The following SPSB1 variants were observed in gnomAD, a reference collection of about 807,000 sequenced individuals.
SPSB1 encodes the protein splA/ryanodine receptor domain and SOCS box containing 1.
SPSB1 carries 8 observed loss-of-function variants against 21.2 expected under a neutral mutation model. The ratio of observed to expected loss-of-function variants is 0.38; its 90% CI spans 0.22 to 0.68. The LOEUF (loss-of-function observed/expected upper bound fraction) is 0.68. Among genes scored for constraint, SPSB1 ranks in the 30% least tolerant of loss-of-function variants. The probability of loss-of-function intolerance (pLI) is 0.53; values close to 1 mark genes in which losing one functional copy is unlikely to be tolerated. For missense variants in SPSB1, 242 were observed against 377.8 expected (o/e 0.64, Z 2.98); for synonymous variants, 169 against 161.7 (o/e 1.05, Z -0.34).
rs1055384805 is a variant in SPSB1 at position 9,305,608 on chromosome 1, G to A, written c.-150+12537G>A. ...TGGGTGCTGGGGGTGGGGACTCCCC[G>A]TCACGGAACTAAACTGCCAGGTGTT... On this transcript the variant is annotated intron_variant, in intron 1 of 2. Transcript: ENST00000328089. This position sits in a 1 kb window ranked among gnomAD's most constrained non-coding sequence, Gnocchi z 4.8. Among the ~76,000 whole-genome samples the A allele has an allele frequency of 3.3e-5, 5 of 152,196 alleles. No homozygotes were observed. The highest frequency in any genetic ancestry group is 5.9e-5 in the Non-Finnish European group (4 of 68,020).
intron 1 of SPSB1, among the ~76,000 whole-genome samples, chr1:9,329,880 A>G (rs2100491357): frequency 6.6e-6 from 1 of 152,244 alleles, no homozygotes; most frequent in Admixed American, 6.5e-5. Context: ...TTTCTTCTCA[A>G]AACTTGGATA....
At chr1:9,343,486 C>T (rs923468006) in intron 1 of SPSB1, among the ~76,000 whole-genome samples, 6 of 152,192 alleles carry the variant, frequency 3.9e-5, no homozygotes, top group Admixed American at 2.0e-4. Flanking sequence ...GTGTATACCA[C>T]AATTTGTTTA....
chr1:9,311,501 G>A (rs1250195161), intron 1 of SPSB1, among the ~76,000 whole-genome samples: 1 of 152,224 alleles, frequency 6.6e-6, no homozygotes, highest in Non-Finnish European at 1.5e-5. Context: ...ACCATGCATG[G>A]GACATCTTCT....
intron 1 of SPSB1, among the ~76,000 whole-genome samples, chr1:9,298,398 ATGAG>A (rs1639260934): frequency 8.5e-6 from 1 of 117,658 alleles, no homozygotes; most frequent in Non-Finnish European, 1.7e-5. Context: ...GAATGAATGA[ATGAG>A]TGAACGAATG....
In SPSB1 at chr1:9,367,992, CA is replaced by C. The variant is rs1309385915; in HGVS notation, c.*418del. 5.6e-6 allele frequency: 1 copy of C among 177,678 alleles called. No individual in the cohort carries two copies. The highest frequency in any genetic ancestry group is 1.6e-4 in the East Asian group (1 of 6,264). The allele number at this position is 177,678 out of a possible 1,614,324, so 11.0% of individuals were successfully genotyped here. ...GTACCACAGCTCTGAGAGCAGATACCAGGGGTACTAAGAGGTGCTTAGACAA... is the reference window on the plus strand; with the variant it reads ...GTACCACAGCTCTGAGAGCAGATACCGGGGTACTAAGAGGTGCTTAGACAA... On this transcript the variant is annotated 3_prime_UTR_variant, in exon 3 of 3. Transcript: ENST00000328089. The surrounding 1 kb of genome is among the most constrained non-coding windows in gnomAD (Gnocchi z 5.9).
chr1:9,306,582 A>G (rs1013232154), intron 1 of SPSB1, among the ~76,000 whole-genome samples: 1 of 152,152 alleles, frequency 6.6e-6, no homozygotes, highest in Non-Finnish European at 1.5e-5. Context: ...GATGAGAAAA[A>G]CTAGGGCAAC....
chr1:9,333,714 G>A (rs1006883775), intron 1 of SPSB1, among the ~76,000 whole-genome samples: 2 of 152,180 alleles, frequency 1.3e-5, no homozygotes, highest in Admixed American at 6.5e-5. Flanking sequence ...AGAGCGGCCC[G>A]GGGAAGAGCA....
rs1427660489 is a variant in SPSB1, at chr1:9,317,531, T to C, written c.-150+24460T>C. 6.6e-6 allele frequency among the ~76,000 whole-genome samples: 1 copy of C among 152,158 alleles called. No individual in the cohort carries two copies. Among genetic ancestry groups the C allele is most frequent in the African/African-American group, 2.4e-5 (1 of 41,432 alleles). On this transcript the variant is annotated intron_variant, in intron 1 of 2. Transcript: ENST00000328089. The surrounding 1 kb of genome is among the most constrained non-coding windows in gnomAD (Gnocchi z 4.3). ...CAGAGTCTTGCTTTGTCACCCAGGC[T>C]GGGGACAAAGCTCACTGCGGCTTCT...
chr1:9,306,460 C>T (rs1639413117), intron 1 of SPSB1, among the ~76,000 whole-genome samples: 1 of 152,104 alleles, frequency 6.6e-6, no homozygotes, highest in Admixed American at 6.6e-5. Context: ...GTGACAATAG[C>T]CATCAACGAT....
chr1:9,315,151 C>G (rs1639588749), intron 1 of SPSB1, among the ~76,000 whole-genome samples: 1 of 152,208 alleles, frequency 6.6e-6, no homozygotes, highest in East Asian at 1.9e-4. Context: ...CTCAGCGGGG[C>G]TGGGACAAGA....
In SPSB1 at chr1:9,302,664, A is replaced by G. The variant is rs929907827; in HGVS notation, c.-150+9593A>G. Among the ~76,000 whole-genome samples the G allele has an allele frequency of 5.9e-5, 9 of 152,174 alleles. No individual in the cohort carries two copies. The South Asian group carries it at 1.0e-3, about 18-fold the overall frequency. On this transcript the variant is annotated intron_variant, in intron 1 of 2. Coordinates refer to ENST00000328089, the MANE Select transcript of SPSB1 (RefSeq NM_025106.4). Reference sequence around the variant, plus strand: ...ACTGGGAATGACCACGTTCCCCACCATCCTGAAGCAGCTGACTTGAAAGAA... The same window carrying G: ...ACTGGGAATGACCACGTTCCCCACCGTCCTGAAGCAGCTGACTTGAAAGAA...
chr1:9,355,121 C>T (rs565783874), intron 1 of SPSB1, among the ~76,000 whole-genome samples: 1 of 152,376 alleles, frequency 6.6e-6, no homozygotes, highest in East Asian at 1.9e-4. Flanking sequence ...AAGAATGTAG[C>T]TGGCGGAGGA....
intron 1 of SPSB1, among the ~76,000 whole-genome samples, chr1:9,334,270 G>A (rs190858402): frequency 3.8e-4 from 58 of 152,086 alleles, no homozygotes; most frequent in Admixed American, 2.4e-3. Flanking sequence ...ATTTTTAGTA[G>A]AGACGGGATT....
At chr1:9,344,548 C>T (rs1049493225) in intron 1 of SPSB1, among the ~76,000 whole-genome samples, 21 of 152,142 alleles carry the variant, frequency 1.4e-4, no homozygotes, top group African/African-American at 4.6e-4. Flanking sequence ...ATCAGGTGTC[C>T]CCTGATAGCC....
At chr1:9,349,320 C>T (rs1640213539) in intron 1 of SPSB1, among the ~76,000 whole-genome samples, 1 of 152,230 alleles carries the variant, frequency 6.6e-6, no homozygotes, top group Non-Finnish European at 1.5e-5. Flanking sequence ...CCGCCACGTG[C>T]TCGACTTTGA....
intron 2 of SPSB1, among the ~76,000 whole-genome samples, chr1:9,362,279 G>A (rs1003064343): frequency 7.3e-5 from 11 of 150,760 alleles, no homozygotes; most frequent in Admixed American, 1.3e-4. Flanking sequence ...TATGAGGACC[G>A]CAGGCTCTCA....
rs1474051219 is a variant in SPSB1, at chr1:9,293,591, C to G, written c.-150+520C>G. Among the ~76,000 whole-genome samples, 1 of 152,018 alleles carries G rather than the reference C, an allele frequency of 6.6e-6. No homozygotes were observed. The highest frequency in any genetic ancestry group is 1.9e-4 in the East Asian group (1 of 5,144). On this transcript the variant is annotated intron_variant, in intron 1 of 2. Coordinates refer to ENST00000328089, the MANE Select transcript of SPSB1 (RefSeq NM_025106.4). The surrounding 1 kb of genome is among the most constrained non-coding windows in gnomAD (Gnocchi z 5.1). ...GCAGCGCCTCCCCCAGGGAGCCTGC[C>G]GGGGACACCCGAGCGCCGCCCTCCC... is the stretch of plus-strand genomic sequence containing the variant.
chr1:9,363,833 T>C lies in SPSB1; in HGVS notation c.695-3615T>C, dbSNP rs1329718444. ...CTCCTGCCTCAAACTCCCAAGTAGC[T>C]GGGACTACAGGCATGCACGACCACA... is the stretch of plus-strand genomic sequence containing the variant. On this transcript the variant is annotated intron_variant, in intron 2 of 2. Transcript: ENST00000328089. The surrounding 1 kb of genome is among the most constrained non-coding windows in gnomAD (Gnocchi z 4.5). Among the ~76,000 whole-genome samples, 1 of 152,126 alleles carries C rather than the reference T, an allele frequency of 6.6e-6. No individual in the cohort carries two copies. The highest frequency in any genetic ancestry group is 1.5e-5 in the Non-Finnish European group (1 of 68,018).
At chr1:9,323,456 C>T (rs1204349334) in intron 1 of SPSB1, among the ~76,000 whole-genome samples, 2 of 152,244 alleles carry the variant, frequency 1.3e-5, no homozygotes, top group African/African-American at 4.8e-5. Flanking sequence ...GGTGCTCAGC[C>T]TGGCACTGGG....
Sources: allele counts gnomAD v4.1 joint callset (sites outside exome capture counted in the v4.1 genomes callset), GRCh38; gene constraint gnomAD v4.1.1; non-coding constraint Gnocchi (gnomAD v3.1); transcripts MANE v1.5; gene names NCBI Gene and HGNC (gene_info 2026-07-23, HGNC 2026-07-21).